The following ZDHHC7 variants were observed in gnomAD, a reference collection of about 807,000 sequenced individuals.
The protein encoded by ZDHHC7 is palmitoyltransferase ZDHHC7.
Under a neutral mutation model 34.1 loss-of-function variants are expected in ZDHHC7, and 12 were observed. The observed-to-expected ratio is 0.35, with a 90% CI of 0.23 to 0.57. ZDHHC7 has a LOEUF of 0.57. ZDHHC7 is among the 20% of genes least tolerant of loss of function. The pLI is 0.84. For synonymous variants in ZDHHC7, 185 were observed against 155.4 expected (o/e 1.19, Z -1.42); for missense variants, 388 against 402.7 (o/e 0.96, Z 0.31).
intron 4 of ZDHHC7, among the ~76,000 whole-genome samples, chr16:84,980,265 A>G (rs1176826175): frequency 2.0e-5 from 3 of 148,828 alleles, no homozygotes; most frequent in Admixed American, 6.7e-5. Flanking sequence ...GCACCCGCCC[A>G]TAGCGTCACC....
At chr16:85,025,145 GT>G in the ZDHHC7 span, among the ~76,000 whole-genome samples, 2 of 152,100 alleles carry the variant, frequency 1.3e-5, no homozygotes, top group Non-Finnish European at 2.9e-5. Context: ...AGGCATGGCG[GT>G]GCGCACCTGC....
intron 3 of ZDHHC7, 151 bp from the exon 4 acceptor site, chr16:84,982,145 C>T: frequency 1.1e-6 from 1 of 918,968 alleles, no homozygotes; most frequent in Non-Finnish European, 1.6e-6. Context: ...GCCTGGCCAA[C>T]CCAGCCTGGT....
intron 2 of ZDHHC7, among the ~76,000 whole-genome samples, chr16:84,991,260 C>T (rs1233289595): frequency 6.6e-6 from 1 of 152,118 alleles, no homozygotes; most frequent in Non-Finnish European, 1.5e-5. Context: ...TGACACTCTA[C>T]CCTGCTTCTA....
rs371821259 is a variant in ZDHHC7, at chr16:84,980,505, A to G, written c.441-1220T>C. 5.3e-5 allele frequency among the ~76,000 whole-genome samples: 8 copies of G among 152,102 alleles called. No individual in the cohort carries two copies. In the East Asian group the frequency reaches 1.6e-3, roughly 30 times the overall value. On this transcript the variant is annotated intron_variant, in intron 4 of 7. Coordinates refer to ENST00000313732, the MANE Select transcript of ZDHHC7 (RefSeq NM_017740.3). The stretch of plus-strand genomic sequence containing the variant: ...GCCAATGTGGCAAAACCCCGTCTCT[A>G]CTAAAAATACAAAGATCAGCCAGGC...
chr16:85,010,322 T>G (rs1035694786), intron 1 of ZDHHC7, among the ~76,000 whole-genome samples: 7 of 152,128 alleles, frequency 4.6e-5, no homozygotes, highest in Non-Finnish European at 4.4e-5. Flanking sequence ...AGCCACCGCG[T>G]GCGTACCAGG....
the ZDHHC7 span, among the ~76,000 whole-genome samples, chr16:85,018,681 G>C: frequency 6.6e-6 from 1 of 152,004 alleles, no homozygotes; most frequent in Non-Finnish European, 1.5e-5. Context: ...TCCCAACCCT[G>C]TCAGGTGATC....
At chr16:85,017,242 G>A in the ZDHHC7 span, among the ~76,000 whole-genome samples, 1 of 152,164 alleles carries the variant, frequency 6.6e-6, no homozygotes, top group Non-Finnish European at 1.5e-5. Context: ...TTACAAAAGA[G>A]AATATCTGAA....
intron 6 of ZDHHC7, 42 bp from the exon 7 acceptor site, chr16:84,977,267 C>G (rs775716379): frequency 1.9e-6 from 3 of 1,604,878 alleles, no homozygotes; most frequent in African/African-American, 2.7e-5. Context: ...TCCTGAATAC[C>G]CCGAGTGGCA....
At chr16:85,024,935 G>C in the ZDHHC7 span, among the ~76,000 whole-genome samples, 1 of 152,296 alleles carries the variant, frequency 6.6e-6, no homozygotes, top group South Asian at 2.1e-4. Flanking sequence ...GGGCTGCTAA[G>C]CTGAGACAAT....
chr16:84,994,756 G>C (rs1242017884), intron 2 of ZDHHC7, among the ~76,000 whole-genome samples: 1 of 152,168 alleles, frequency 6.6e-6, no homozygotes, highest in African/African-American at 2.4e-5. Context: ...TATCATACTT[G>C]AGGGCTTTAG....
intron 3 of ZDHHC7, chr16:84,988,710 C>T: frequency 6.7e-7 from 1 of 1,499,590 alleles, no homozygotes; most frequent in Non-Finnish European, 9.1e-7. Context: ...GAGCAAACTG[C>T]TGAGGACTCC....
At position 84,990,580 on chromosome 16, in the gene ZDHHC7, A is replaced by T. The variant is rs375396881; in HGVS notation, c.39T>A (p.His13Gln). The change falls in exon 3 of 8, where the codon CAT becomes CAA. Residue 13 changes from histidine to glutamine, a missense_variant. His to Gln is a conservative substitution (Grantham distance 24, BLOSUM62 0). Coordinates refer to ENST00000313732, the MANE Select transcript of ZDHHC7 (RefSeq NM_017740.3). ...TGTCATTTTCAGCCAGGAGAGGATG[A>T]TGCTCGACGTCCCGGAGCCTGTGTC... is the stretch of plus-strand genomic sequence containing the variant. ...PSGHRLRDVE[H>Q]HPLLAENDNY... 3.5e-5 allele frequency: 57 copies of T among 1,614,066 alleles called. No homozygotes were observed. Among genetic ancestry groups the T allele is most frequent in the Non-Finnish European group, 4.7e-5 (55 of 1,180,032 alleles).
the ZDHHC7 span, among the ~76,000 whole-genome samples, chr16:85,021,002 G>T: frequency 6.6e-6 from 1 of 152,102 alleles, no homozygotes; most frequent in South Asian, 2.1e-4. Flanking sequence ...CTACTCAGGA[G>T]GCTGAGGTGG....
chr16:84,985,536 C>G (rs1597539166), intron 3 of ZDHHC7, among the ~76,000 whole-genome samples: 1 of 152,106 alleles, frequency 6.6e-6, no homozygotes, highest in East Asian at 1.9e-4. Context: ...AACTTAAACC[C>G]CAAGGGAAAA....
chr16:84,978,200 G>GT (rs2072323271), intron 5 of ZDHHC7, 195 bp from the exon 6 acceptor site: 2 of 469,258 alleles, frequency 4.3e-6, no homozygotes, highest in African/African-American at 2.0e-5. Flanking sequence ...CCGGCTAACT[G>GT]TTTTGCATTT....
chr16:85,013,031 C>T (rs991087576), upstream of ZDHHC7, among the ~76,000 whole-genome samples: 1 of 152,170 alleles, frequency 6.6e-6, no homozygotes, highest in Non-Finnish European at 1.5e-5. Flanking sequence ...TTTATCCTCC[C>T]TTTTCTGCCT....
chr16:84,976,992 G>A (rs895373326), intron 7 of ZDHHC7, 103 bp downstream of exon 7: 124 of 1,514,092 alleles, frequency 8.2e-5, no homozygotes, highest in Middle Eastern at 4.8e-4. Flanking sequence ...GTCCCATTAC[G>A]TTCCCGAGTC....
intron 1 of ZDHHC7, among the ~76,000 whole-genome samples, chr16:85,010,812 G>C (rs142105258): frequency 5.3e-5 from 8 of 152,350 alleles, no homozygotes; most frequent in African/African-American, 1.7e-4. Context: ...CGTGGAGCAG[G>C]AGGGAAGATA....
chr16:85,022,454 C>T, the ZDHHC7 span, among the ~76,000 whole-genome samples: 598 of 152,128 alleles, frequency 3.9e-3, 6 homozygotes, highest in African/African-American at 0.013. Context: ...ACGTGGGAGG[C>T]GGAGGTTGCA....
Sources: gnomAD v4.1 joint callset for allele counts (sites outside exome capture counted in the v4.1 genomes callset) on GRCh38, gnomAD v4.1.1 for gene constraint, MANE v1.5 for transcripts, NCBI Gene and HGNC (gene_info 2026-07-23, HGNC 2026-07-21) for gene names.